SGCZ: variants seen among roughly 807,000 people sequenced by gnomAD.
SGCZ encodes sarcoglycan zeta, also known as zeta-sarcoglycan.
Under a neutral mutation model 41.3 loss-of-function variants are expected in SGCZ, and 40 were observed. That is an observed-to-expected ratio of 0.97 (90% CI 0.75 to 1.26). The LOEUF is 1.26. Ranked by LOEUF, SGCZ falls within the 50% of genes most tolerant of loss-of-function variation. The probability of loss-of-function intolerance (pLI) is 0.00; values close to 1 mark genes in which losing one functional copy is unlikely to be tolerated. For synonymous variants in SGCZ, 206 were observed against 137.5 expected (o/e 1.50, Z -3.49); for missense variants, 552 against 369.8 (o/e 1.49, Z -4.04).
intron 1 of SGCZ, among the ~76,000 whole-genome samples, chr8:14,780,782 TTC>T (rs1417698128): frequency 6.6e-6 from 1 of 152,328 alleles, no homozygotes; most frequent in East Asian, 1.9e-4. Flanking sequence ...CCACTCTGTT[TTC>T]TTAGTGAAAT....
chr8:15,031,098 A>G (rs1429357441), intron 1 of SGCZ, among the ~76,000 whole-genome samples: 3 of 152,030 alleles, frequency 2.0e-5, no homozygotes, highest in Non-Finnish European at 4.4e-5. Context: ...TTCTCACTTA[A>G]AGTATTAGAA....
At position 14,355,629 on chromosome 8, in the gene SGCZ, T is replaced by C. The variant is rs144154429; in HGVS notation, c.235-31425A>G. ...AAAAACGAGATAAATCAAAGATCTT[T>C]GGAAAACACCAAGTACTGTAAAACC... is the stretch of plus-strand genomic sequence containing the variant. On this transcript the variant is annotated intron_variant, in intron 2 of 7. Transcript: ENST00000382080. Among the ~76,000 whole-genome samples the C allele has an allele frequency of 1.6e-3, 243 of 152,080 alleles. 4 individuals carry two copies. In the East Asian group the frequency reaches 0.034, roughly 21 times the overall value.
intron 3 of SGCZ, among the ~76,000 whole-genome samples, chr8:14,246,976 C>G (rs1350244828): frequency 1.3e-5 from 2 of 148,884 alleles, no homozygotes; most frequent in Admixed American, 1.3e-4. Flanking sequence ...GAATGCAAAT[C>G]ATCTAATTAT....
chr8:14,721,664 A>G (rs539558575), intron 1 of SGCZ, among the ~76,000 whole-genome samples: 1 of 152,258 alleles, frequency 6.6e-6, no homozygotes, highest in South Asian at 2.1e-4. Flanking sequence ...TTGTCACCCT[A>G]TTTCTGTCCT....
At chr8:14,222,370 A>G (rs764590672) in intron 4 of SGCZ, among the ~76,000 whole-genome samples, 10 of 151,950 alleles carry the variant, frequency 6.6e-5, no homozygotes, top group Non-Finnish European at 1.3e-4. Flanking sequence ...GGGTTTCACT[A>G]TCTTGGCCAG....
intron 3 of SGCZ, among the ~76,000 whole-genome samples, chr8:14,305,507 T>C (rs1373252950): frequency 6.6e-6 from 1 of 152,186 alleles, no homozygotes; most frequent in East Asian, 1.9e-4. Flanking sequence ...TTATTTGATT[T>C]TGAATTTCAA....
chr8:14,463,389 T>G (rs1800956564), intron 2 of SGCZ, among the ~76,000 whole-genome samples: 1 of 143,618 alleles, frequency 7.0e-6, no homozygotes, highest in Admixed American at 7.1e-5. Context: ...GAATACGAAG[T>G]TTTTAACAAG....
chr8:14,325,196 G>C (rs1227991062), intron 2 of SGCZ, among the ~76,000 whole-genome samples: 2 of 152,208 alleles, frequency 1.3e-5, no homozygotes, highest in Admixed American at 6.5e-5. Flanking sequence ...GTACTGTTTA[G>C]GGCTAACTGA....
chr8:14,196,057 G>A, intron 4 of SGCZ, among the ~76,000 whole-genome samples: 1 of 151,866 alleles, frequency 6.6e-6, no homozygotes, highest in East Asian at 1.9e-4. Flanking sequence ...ATGTTTTGTG[G>A]CTACTGTATC....
intron 1 of SGCZ, among the ~76,000 whole-genome samples, chr8:14,844,955 T>C (rs1381716331): frequency 1.3e-5 from 2 of 152,166 alleles, no homozygotes; most frequent in African/African-American, 4.8e-5. Flanking sequence ...CCCAGGAGGT[T>C]CTCTGAGTTG....
chr8:14,548,937 GGCTGGAA>G (rs1271975458), intron 2 of SGCZ, among the ~76,000 whole-genome samples: 4 of 152,054 alleles, frequency 2.6e-5, no homozygotes, highest in African/African-American at 7.2e-5. Flanking sequence ...CAGTTGGTGA[GGCTGGAA>G]GTCTTGAAAC....
chr8:14,729,109 A>G (rs111574992), intron 1 of SGCZ, among the ~76,000 whole-genome samples: 110 of 152,252 alleles, frequency 7.2e-4, no homozygotes, highest in African/African-American at 2.6e-3. Context: ...CCCTTAAGAA[A>G]CCCATTCTAT....
At chr8:14,233,847 G>T (rs1049838908) in intron 4 of SGCZ, among the ~76,000 whole-genome samples, 1 of 151,876 alleles carries the variant, frequency 6.6e-6, no homozygotes, top group African/African-American at 2.4e-5. Flanking sequence ...CCTGGAGAAT[G>T]GTTCTGAGAC....
chr8:14,558,600 GAGAGAGAGAGA>G (rs1804108235), intron 1 of SGCZ, among the ~76,000 whole-genome samples: 1 of 151,134 alleles, frequency 6.6e-6, no homozygotes, highest in Admixed American at 6.6e-5. Flanking sequence ...GAGAGAGAGA[GAGAGAGAGAGA>G]GAATCTTCCA....
intron 1 of SGCZ, among the ~76,000 whole-genome samples, chr8:14,993,677 A>G (rs374085024): frequency 1.2e-4 from 19 of 152,194 alleles, no homozygotes; most frequent in East Asian, 5.8e-4. Context: ...GCAGTGAGCA[A>G]AAGTCCTGAG....
At chr8:14,691,873 G>A (rs1016212040) in intron 1 of SGCZ, among the ~76,000 whole-genome samples, 2 of 151,822 alleles carry the variant, frequency 1.3e-5, no homozygotes, top group African/African-American at 4.8e-5. Flanking sequence ...TTTTATAACT[G>A]TTTTGTGAGA....
intron 1 of SGCZ, among the ~76,000 whole-genome samples, chr8:14,753,083 C>G (rs1799549532): frequency 6.6e-6 from 1 of 152,278 alleles, no homozygotes; most frequent in East Asian, 1.9e-4. Context: ...GGTTTCCACA[C>G]CAGCTATCAT....
intron 3 of SGCZ, among the ~76,000 whole-genome samples, chr8:14,297,718 A>T (rs1451087902): frequency 6.6e-6 from 1 of 152,120 alleles, no homozygotes; most frequent in East Asian, 1.9e-4. Flanking sequence ...ACATCTAAGT[A>T]ACTATATCTG....
intron 3 of SGCZ, among the ~76,000 whole-genome samples, chr8:14,270,979 C>G (rs1036300771): frequency 6.6e-6 from 1 of 152,050 alleles, no homozygotes; most frequent in Admixed American, 6.6e-5. Flanking sequence ...TTCTCACTCA[C>G]AGGTGGGAAT....
Sources: gnomAD v4.1 joint callset for allele counts (sites outside exome capture counted in the v4.1 genomes callset) on GRCh38, gnomAD v4.1.1 for gene constraint, MANE v1.5 for transcripts, NCBI Gene and HGNC (gene_info 2026-07-23, HGNC 2026-07-21) for gene names.